NAALADL2: variants seen among roughly 807,000 people sequenced by gnomAD.
The protein encoded by NAALADL2 is N-acetylated alpha-linked acidic dipeptidase like 2.
NAALADL2 carries 76 observed loss-of-function variants against 87.2 expected under a neutral mutation model. The observed-to-expected ratio is 0.87, with a 90% confidence interval of 0.72 to 1.05. The LOEUF (loss-of-function observed/expected upper bound fraction) is 1.05. Ranked by LOEUF, NAALADL2 falls within the 50% of genes least tolerant of loss-of-function variation. The pLI is 0.00. For synonymous variants in NAALADL2, 354 were observed against 331.0 expected, an observed-to-expected ratio of 1.07 and a Z score of -0.75; for missense variants, 1,089 against 945.8, an observed-to-expected ratio of 1.15 and a Z score of -1.99.
rs1720894466 is a variant in NAALADL2, at chr3:175,447,494, T to G, written c.1234+122T>G. 6 of 626,166 alleles carry G rather than the reference T, an allele frequency of 9.6e-6. No homozygotes were observed. The African/African-American group carries it at 1.1e-4, about 12-fold the overall frequency. The allele number at this position is 626,166 out of a possible 1,614,324, so 38.8% of individuals were successfully genotyped here. A position where few individuals can be genotyped will look rare whatever the true frequency, so the allele number is the denominator to read the frequency against. On this transcript the variant is annotated intron_variant, in intron 6 of 13. Transcript: ENST00000454872. ...TCAAAAACATTGACTTTTGATGAAG[T>G]GAGCATTATTTTCTTCTGTGGCTCT...
intron 1 of NAALADL2, among the ~76,000 whole-genome samples, chr3:174,900,864 C>G (rs1732222624): frequency 6.6e-6 from 1 of 151,886 alleles, no homozygotes. Context: ...AAATACATAT[C>G]AGTAAGCTTC....
chr3:175,551,042 T>C (rs569493182), intron 9 of NAALADL2, among the ~76,000 whole-genome samples: 1 of 152,254 alleles, frequency 6.6e-6, no homozygotes, highest in African/African-American at 2.4e-5. Flanking sequence ...AAAATCCATT[T>C]GGAGTTTGTA....
chr3:175,710,669 T>A (rs904765435), intron 11 of NAALADL2, among the ~76,000 whole-genome samples: 8 of 151,614 alleles, frequency 5.3e-5, no homozygotes, highest in Non-Finnish European at 1.0e-4. Flanking sequence ...AATATATATG[T>A]CTATATTTTG....
chr3:174,804,012 A>G (rs1377638753), intron 3 of NAALADL2, among the ~76,000 whole-genome samples: 1 of 152,166 alleles, frequency 6.6e-6, no homozygotes, highest in African/African-American at 2.4e-5. Flanking sequence ...GAAGAAAGTC[A>G]ATGGTAGCTT....
At chr3:175,551,487 A>G (rs1394356235) in intron 9 of NAALADL2, among the ~76,000 whole-genome samples, 1 of 152,158 alleles carries the variant, frequency 6.6e-6, no homozygotes, top group African/African-American at 2.4e-5. Context: ...GTTCATACAT[A>G]GTTGTTAAAT....
intron 9 of NAALADL2, among the ~76,000 whole-genome samples, chr3:175,491,589 G>T (rs992856096): frequency 2.6e-5 from 4 of 152,136 alleles, no homozygotes; most frequent in African/African-American, 9.7e-5. Context: ...TATGAAATTT[G>T]ATTTTTGAAG....
chr3:175,752,320 C>T (rs1746713314), intron 12 of NAALADL2, among the ~76,000 whole-genome samples: 1 of 152,054 alleles, frequency 6.6e-6, no homozygotes, highest in South Asian at 2.1e-4. Flanking sequence ...ACAACTGGCA[C>T]TTTTAGGTGC....
chr3:175,234,458 G>C (rs1745490069), intron 3 of NAALADL2, among the ~76,000 whole-genome samples: 2 of 152,132 alleles, frequency 1.3e-5, no homozygotes, highest in African/African-American at 4.8e-5. Context: ...TTCACATTTT[G>C]CTCTGTCCAT....
chr3:175,310,276 A>G (rs1758200893), intron 4 of NAALADL2, among the ~76,000 whole-genome samples: 1 of 152,160 alleles, frequency 6.6e-6, no homozygotes, highest in Admixed American at 6.6e-5. Flanking sequence ...AGGATGATTC[A>G]TAATGCTATA....
intron 1 of NAALADL2, among the ~76,000 whole-genome samples, chr3:175,094,932 T>C (rs1406375254): frequency 3.3e-5 from 5 of 152,008 alleles, no homozygotes; most frequent in Non-Finnish European, 7.4e-5. Context: ...CACTACTCAA[T>C]AGATGCTTTA....
At chr3:175,606,029 C>G (rs116027060) in intron 10 of NAALADL2, among the ~76,000 whole-genome samples, 77 of 152,272 alleles carry the variant, frequency 5.1e-4, no homozygotes, top group African/African-American at 1.8e-3. Context: ...ACTTGGACCT[C>G]TCAGCAAGTT....
chr3:175,106,371 A>T (rs1172467181), intron 2 of NAALADL2, among the ~76,000 whole-genome samples: 1 of 152,080 alleles, frequency 6.6e-6, no homozygotes, highest in Non-Finnish European at 1.5e-5. Context: ...TATCAGGATC[A>T]TCTGTGATAC....
intron 3 of NAALADL2, among the ~76,000 whole-genome samples, chr3:175,236,244 G>A (rs759502254): frequency 1.3e-5 from 2 of 152,012 alleles, no homozygotes; most frequent in Non-Finnish European, 2.9e-5. Flanking sequence ...AATACTGGCC[G>A]GGCACTGTGG....
chr3:175,452,927 G>C (rs1721796224), intron 6 of NAALADL2, among the ~76,000 whole-genome samples: 1 of 152,104 alleles, frequency 6.6e-6, no homozygotes, highest in Non-Finnish European at 1.5e-5. Flanking sequence ...GCTTACCAAA[G>C]GTGACGCAGA....
At chr3:175,177,349 C>A (rs1379264207) in intron 2 of NAALADL2, among the ~76,000 whole-genome samples, 1 of 152,074 alleles carries the variant, frequency 6.6e-6, no homozygotes, top group African/African-American at 2.4e-5. Context: ...CTTTTCACAC[C>A]TATTCTCTAT....
chr3:175,119,772 G>T (rs1725856719), intron 2 of NAALADL2, among the ~76,000 whole-genome samples: 3 of 138,770 alleles, frequency 2.2e-5, no homozygotes, highest in African/African-American at 2.7e-5. Flanking sequence ...ACTATATATA[G>T]ATATATATAT....
intron 2 of NAALADL2, among the ~76,000 whole-genome samples, chr3:174,674,488 A>G (rs1726860374): frequency 6.6e-6 from 1 of 151,668 alleles, no homozygotes; most frequent in East Asian, 1.9e-4. Context: ...ATGATGTCCC[A>G]TTTCTACTCA....
chr3:174,611,295 C>T (rs1000277031), intron 2 of NAALADL2, among the ~76,000 whole-genome samples: 4 of 151,440 alleles, frequency 2.6e-5, no homozygotes, highest in African/African-American at 4.9e-5. Context: ...TGCACATGTA[C>T]CCTAAAACTT....
rs143989699 is a variant in NAALADL2 at position 175,808,430 on chromosome 3, G to T, written c.*5227G>T. 6.6e-6 allele frequency: 1 copy of T among 151,778 alleles called. No individual in the cohort carries two copies. The highest frequency in any genetic ancestry group is 2.4e-5 in the African/African-American group (1 of 41,410). The allele number at this position is 151,778 out of a possible 1,614,324, so 9.4% of individuals were successfully genotyped here. On this transcript the variant is annotated 3_prime_UTR_variant, in exon 14 of 14. Coordinates refer to ENST00000454872, the MANE Select transcript of NAALADL2 (RefSeq NM_207015.3). The stretch of plus-strand genomic sequence containing the variant: ...TAAATGCCAAAATCCAATCATCAAG[G>T]CCAAAGAAATGCATGATTACTCTGA...
Sources: gnomAD v4.1 joint callset for allele counts (sites outside exome capture counted in the v4.1 genomes callset) on GRCh38, gnomAD v4.1.1 for gene constraint, MANE v1.5 for transcripts, NCBI Gene and HGNC (gene_info 2026-07-23, HGNC 2026-07-21) for gene names.